CYFIP2: variants seen among roughly 807,000 people sequenced by gnomAD.
The protein encoded by CYFIP2 is cytoplasmic FMR1 interacting protein 2.
In CYFIP2, 29 loss-of-function variants were observed where a neutral mutation model predicts 158.7. The observed-to-expected ratio is 0.18, with a 90% confidence interval of 0.14 to 0.25. The LOEUF is 0.25. CYFIP2 is among the 10% of genes least tolerant of loss of function. CYFIP2 has a pLI of 1.00. For missense variants in CYFIP2, 852 were observed against 1,639.5 expected (o/e 0.52, Z 8.29); for synonymous variants, 585 against 617.6 (o/e 0.95, Z 0.78).
chr5:157,314,915 C>A, intron 12 of CYFIP2, 54 bp from the exon 13 acceptor site: 1 of 1,368,648 alleles, frequency 7.3e-7, no homozygotes, highest in Non-Finnish European at 1.0e-6. Context: ...CCACCACATT[C>A]TGTTTGTCCG....
At chr5:157,379,253 T>G (rs967636345) in intron 26 of CYFIP2, among the ~76,000 whole-genome samples, 5 of 152,172 alleles carry the variant, frequency 3.3e-5, no homozygotes, top group Non-Finnish European at 7.3e-5. Context: ...TATATGATTA[T>G]AGATAATATA....
chr5:157,319,675 C>A, intron 13 of CYFIP2, 87 bp from the exon 14 acceptor site: 1 of 1,514,842 alleles, frequency 6.6e-7, no homozygotes, highest in East Asian at 2.4e-5. Flanking sequence ...ATCTCACTCC[C>A]CGCCTCCCCT....
Position 157,339,047 on chromosome 5 carries a change from C to G in CYFIP2, c.2386-10C>G, listed in dbSNP as rs759851427. 1.2e-6 allele frequency: 2 copies of G among 1,607,022 alleles called. No individual in the cohort carries two copies. Among genetic ancestry groups the G allele is most frequent in the African/African-American group, 1.3e-5 (1 of 74,906 alleles). On this transcript the variant is annotated splice_polypyrimidine_tract_variant and intron_variant, in intron 21 of 30. Coordinates refer to ENST00000620254, the MANE Select transcript of CYFIP2 (RefSeq NM_001037333.3). ...AGTCCTCAGCAGTTGTGGGCTCTCT[C>G]TCTGTACAGGAGCTGGAGTGGCTGC...
intron 10 of CYFIP2, chr5:157,310,894 G>A: frequency 2.3e-6 from 1 of 427,354 alleles, no homozygotes; most frequent in Non-Finnish European, 4.7e-6. Context: ...TCATCTGTCT[G>A]CTGGGTCACC....
intron 1 of CYFIP2, 21 bp from the exon 2 acceptor site, chr5:157,285,318 C>T (rs771763167): frequency 6.7e-7 from 1 of 1,493,304 alleles, no homozygotes. Flanking sequence ...TCTCCACTGA[C>T]CTTCTCTTCC....
intron 3 of CYFIP2, among the ~76,000 whole-genome samples, chr5:157,291,017 G>C (rs1757780262): frequency 6.6e-6 from 1 of 152,176 alleles, no homozygotes; most frequent in Non-Finnish European, 1.5e-5. Context: ...CTCACATTGG[G>C]TTTAAGTCAT....
At chr5:157,296,892 T>C in intron 5 of CYFIP2, 118 bp downstream of exon 5, 1 of 785,642 alleles carries the variant, frequency 1.3e-6, no homozygotes, top group South Asian at 1.7e-5. Flanking sequence ...ATTTTTTGAC[T>C]GTGCCCTACA....
chr5:157,293,243 A>G (rs1275199615), intron 3 of CYFIP2, among the ~76,000 whole-genome samples: 1 of 152,056 alleles, frequency 6.6e-6, no homozygotes, highest in Non-Finnish European at 1.5e-5. Context: ...TTTAGTAGAG[A>G]CGGGGTTTTG....
chr5:157,364,243 T>A (rs1286936365), intron 26 of CYFIP2: 1 of 150,026 alleles, frequency 6.7e-6, no homozygotes, highest in Admixed American at 6.6e-5. Context: ...TCCCCGAGTG[T>A]CTCCTGTTAA....
rs1302994170 is a variant in CYFIP2, at chr5:157,394,342, CAT to C, written c.*1344_*1345del. 27 of 152,178 alleles carry C rather than the reference CAT, an allele frequency of 1.8e-4. No individual in the cohort carries two copies. Among genetic ancestry groups the C allele is most frequent in the Non-Finnish European group, 3.8e-4 (26 of 68,036 alleles). 9.4% of individuals were successfully genotyped at this position (152,178 alleles called of 1,614,324 possible). On this transcript the variant is annotated 3_prime_UTR_variant, in exon 31 of 31. Transcript: ENST00000620254. ...ATCTGTGGCCCTGAGATTTTAAGAA[CAT>C]AAAATGTGACATTTGATATTTCTCC...
intron 26 of CYFIP2, chr5:157,377,031 AG>A: frequency 2.7e-6 from 1 of 375,620 alleles, no homozygotes; most frequent in Non-Finnish European, 5.4e-6. Context: ...TCCCGCCCTC[AG>A]GTCCAGTCAT....
chr5:157,357,392 A>G (rs752780167), intron 23 of CYFIP2, among the ~76,000 whole-genome samples: 1 of 152,266 alleles, frequency 6.6e-6, no homozygotes, highest in Non-Finnish European at 1.5e-5. Flanking sequence ...CATCATTAGA[A>G]TTTCCATTTA....
chr5:157,271,816 C>A (rs6883898), intron 1 of CYFIP2, among the ~76,000 whole-genome samples: 207 of 152,290 alleles, frequency 1.4e-3, no homozygotes, highest in African/African-American at 4.5e-3. Context: ...GATCTGGTGG[C>A]CAGACCTGAA....
At chr5:157,346,027 C>T (rs1185999056) in intron 23 of CYFIP2, among the ~76,000 whole-genome samples, 1 of 151,920 alleles carries the variant, frequency 6.6e-6, no homozygotes, top group Non-Finnish European at 1.5e-5. Context: ...CCCACCCCTA[C>T]ACTTCCCCAT....
intron 3 of CYFIP2, among the ~76,000 whole-genome samples, chr5:157,288,426 C>T (rs1044930722): frequency 6.6e-6 from 1 of 152,304 alleles, no homozygotes; most frequent in Non-Finnish European, 1.5e-5. Flanking sequence ...TATTGGTTAT[C>T]TCCCGTAACC....
rs1419959078 is a variant in CYFIP2 at position 157,323,950 on chromosome 5, A to G, written c.1701A>G (p.Ser567=). 2 of 1,599,452 alleles carry G rather than the reference A, an allele frequency of 1.3e-6. No homozygotes were observed. The highest frequency in any genetic ancestry group is 2.3e-5 in the South Asian group (2 of 88,686). The stretch of plus-strand genomic sequence containing the variant: ...ACATGGTGCGGACCATGCTTGAATC[A>G]CTCATTGCAGACAAAAGCGGCTCCA... The part of the protein sequence containing the change: ...QLYMVRTMLE[S]LIADKSGSKK... The change falls in exon 16 of 31, where the codon TCA becomes TCG. Residue 567 remains serine, a synonymous_variant. Transcript: ENST00000620254.
chr5:157,339,615 G>A (rs1252699385), intron 22 of CYFIP2, among the ~76,000 whole-genome samples: 1 of 152,174 alleles, frequency 6.6e-6, no homozygotes, highest in Non-Finnish European at 1.5e-5. Flanking sequence ...TCAATCACAT[G>A]ACAAATGTAC....
chr5:157,286,952 C>G, intron 2 of CYFIP2, 67 bp from the exon 3 acceptor site: 1 of 1,317,148 alleles, frequency 7.6e-7, no homozygotes, highest in Non-Finnish European at 1.1e-6. Context: ...AGTTTGCCCT[C>G]TGGACACCCA....
chr5:157,331,238 A>G (rs1206104233), intron 20 of CYFIP2, among the ~76,000 whole-genome samples: 6 of 152,026 alleles, frequency 3.9e-5, no homozygotes, highest in African/African-American at 1.4e-4. Flanking sequence ...AAATGAAAGC[A>G]TGTCAGGGCA....
Sources: allele counts gnomAD v4.1 joint callset (sites outside exome capture counted in the v4.1 genomes callset), GRCh38; gene constraint gnomAD v4.1.1; transcripts MANE v1.5; gene names NCBI Gene and HGNC (gene_info 2026-07-23, HGNC 2026-07-21).